The following ADAMTS19 variants were observed in gnomAD, a reference collection of about 807,000 sequenced individuals.
ADAMTS19 encodes the protein A disintegrin and metalloproteinase with thrombospondin motifs 19.
Under a neutral mutation model 153.3 loss-of-function variants are expected in ADAMTS19, and 93 were observed. That is an observed-to-expected ratio of 0.61 (90% confidence interval 0.51 to 0.72). The LOEUF is 0.72. Ranked by LOEUF, ADAMTS19 falls within the 30% of genes least tolerant of loss-of-function variation. The pLI is 0.00. For synonymous variants in ADAMTS19, 600 were observed against 556.6 expected (o/e 1.08, Z -1.10); for missense variants, 1,482 against 1,552.1 (o/e 0.95, Z 0.76).
intron 2 of ADAMTS19, among the ~76,000 whole-genome samples, chr5:129,491,774 T>G (rs1750778172): frequency 6.6e-6 from 1 of 152,132 alleles, no homozygotes; most frequent in Admixed American, 6.5e-5. Context: ...ACTCTACTAT[T>G]CTCTTTTAAT....
Position 129,460,346 on chromosome 5 carries a change from C to G in ADAMTS19, c.-46C>G, listed in dbSNP as rs1023934016. 6.4e-7 allele frequency: 1 copy of G among 1,562,384 alleles called. No homozygotes were observed. The highest frequency in any genetic ancestry group is 8.8e-7 in the Non-Finnish European group (1 of 1,141,030). ...CCGCTGCGCCCCGGAGTGGATCGCG[C>G]TGGAGGCGTGCGCCGGGCGAGAAGC... On this transcript the variant is annotated 5_prime_UTR_variant, in exon 1 of 23. Coordinates refer to ENST00000274487, the MANE Select transcript of ADAMTS19 (RefSeq NM_133638.6).
chr5:129,542,268 A>G (rs1265124491), intron 6 of ADAMTS19, among the ~76,000 whole-genome samples: 1 of 152,174 alleles, frequency 6.6e-6, no homozygotes, highest in African/African-American at 2.4e-5. Context: ...TCTCTTTTCC[A>G]TCCTCTGAAA....
At chr5:129,728,238 C>T (rs1034387124) in intron 21 of ADAMTS19, among the ~76,000 whole-genome samples, 12 of 152,068 alleles carry the variant, frequency 7.9e-5, no homozygotes, top group Admixed American at 4.6e-4. Context: ...ACCTCTGTCC[C>T]GGAAAATTCA....
At chr5:129,605,386 A>G (rs2126939028) in intron 8 of ADAMTS19, among the ~76,000 whole-genome samples, 1 of 152,220 alleles carries the variant, frequency 6.6e-6, no homozygotes, top group Non-Finnish European at 1.5e-5. Flanking sequence ...TCAAACATAA[A>G]AGACTAACAG....
intron 8 of ADAMTS19, among the ~76,000 whole-genome samples, chr5:129,600,434 A>AT (rs140038216): frequency 0.038 from 5,789 of 152,272 alleles, 345 homozygotes; most frequent in African/African-American, 0.13. Flanking sequence ...GAATGACAGA[A>AT]TGATTCCATG....
chr5:129,651,844 C>T (rs1753329829), intron 13 of ADAMTS19, among the ~76,000 whole-genome samples: 1 of 152,058 alleles, frequency 6.6e-6, no homozygotes, highest in Non-Finnish European at 1.5e-5. Context: ...GAATACATAG[C>T]CAGTAACTTT....
chr5:129,488,785 A>G (rs1249289292), intron 2 of ADAMTS19, among the ~76,000 whole-genome samples: 1 of 152,118 alleles, frequency 6.6e-6, no homozygotes, highest in African/African-American at 2.4e-5. Context: ...TGACTACTGA[A>G]GAAAAGGGTT....
chr5:129,561,422 G>C (rs892147630), intron 7 of ADAMTS19, among the ~76,000 whole-genome samples: 7 of 151,956 alleles, frequency 4.6e-5, no homozygotes, highest in African/African-American at 1.2e-4. Context: ...CCAGCTACTC[G>C]GGAGGCTGAG....
At chr5:129,491,408 G>C (rs889338261) in intron 2 of ADAMTS19, among the ~76,000 whole-genome samples, 2 of 152,060 alleles carry the variant, frequency 1.3e-5, no homozygotes, top group African/African-American at 4.8e-5. Flanking sequence ...TTTCCAAGTA[G>C]ATGACTGTGA....
intron 21 of ADAMTS19, among the ~76,000 whole-genome samples, chr5:129,715,004 GA>G (rs1290267485): frequency 6.6e-6 from 1 of 152,060 alleles, no homozygotes; most frequent in Non-Finnish European, 1.5e-5. Flanking sequence ...ATGCTGATAA[GA>G]AAATTTCTCC....
rs1489934289 is a variant in ADAMTS19, at chr5:129,701,496, C to A, written c.3063C>A (p.Ala1021=). The A allele has an allele frequency of 6.2e-7, 1 of 1,614,044 alleles. No homozygotes were observed. The highest frequency in any genetic ancestry group is 1.3e-5 in the African/African-American group (1 of 74,922). The part of the protein sequence containing the change: ...QQLSNGTLIR[A]RERDCIGPKP... ...TGAGCAATGGAACACTGATTAGAGC[C>A]CGAGAGAGGGACTGCATTGGGCCCA... The change falls in exon 20 of 23, where the codon GCC becomes GCA. Residue 1021 remains alanine, a synonymous_variant. Coordinates refer to ENST00000274487, the MANE Select transcript of ADAMTS19 (RefSeq NM_133638.6).
intron 8 of ADAMTS19, among the ~76,000 whole-genome samples, chr5:129,606,060 A>G (rs1250335182): frequency 1.3e-5 from 2 of 152,184 alleles, no homozygotes; most frequent in African/African-American, 2.4e-5. Context: ...CAAGTAGGCA[A>G]TTCAGGAGTT....
chr5:129,624,775 A>G (rs1751947282), intron 10 of ADAMTS19, among the ~76,000 whole-genome samples: 1 of 152,098 alleles, frequency 6.6e-6, no homozygotes, highest in African/African-American at 2.4e-5. Context: ...CAATGTTTTG[A>G]CCTCTGAATA....
At chr5:129,525,876 C>T (rs563376984) in intron 3 of ADAMTS19, among the ~76,000 whole-genome samples, 1 of 152,088 alleles carries the variant, frequency 6.6e-6, no homozygotes, top group African/African-American at 2.4e-5. Context: ...TCAGGCACTT[C>T]TTTCAACTAA....
intron 21 of ADAMTS19, among the ~76,000 whole-genome samples, chr5:129,723,254 T>C (rs941211353): frequency 9.8e-5 from 15 of 152,292 alleles, no homozygotes; most frequent in African/African-American, 3.1e-4. Flanking sequence ...TGCTTATACT[T>C]CCCCCAGGTA....
rs938996184 is a variant in ADAMTS19, at chr5:129,498,137, G to A, written c.748-10940G>A. Among the ~76,000 whole-genome samples, 4 of 152,002 alleles carry A rather than the reference G, an allele frequency of 2.6e-5. No homozygotes were observed. The South Asian group carries it at 8.3e-4, about 32-fold the overall frequency. On this transcript the variant is annotated intron_variant, in intron 2 of 22. Coordinates refer to ENST00000274487, the MANE Select transcript of ADAMTS19 (RefSeq NM_133638.6). ...ACACCACCTGTCAGTTTTTAACTGA[G>A]TTTGGCTTGTATGTAGGTTTTCCTA... is the stretch of plus-strand genomic sequence containing the variant.
intron 2 of ADAMTS19, among the ~76,000 whole-genome samples, chr5:129,463,723 A>G (rs959031952): frequency 6.6e-6 from 1 of 152,196 alleles, no homozygotes; most frequent in Non-Finnish European, 1.5e-5. Flanking sequence ...ATGATTGACA[A>G]GCTCCTTATC....
intron 2 of ADAMTS19, among the ~76,000 whole-genome samples, chr5:129,495,466 A>C (rs1750897714): frequency 6.6e-6 from 1 of 152,116 alleles, no homozygotes; most frequent in Non-Finnish European, 1.5e-5. Context: ...TTTGTCATAT[A>C]TTTGAAGCAG....
intron 8 of ADAMTS19, 121 bp from the exon 9 acceptor site, chr5:129,620,497 A>C (rs567478880): frequency 8.1e-5 from 54 of 663,368 alleles, no homozygotes; most frequent in Admixed American, 2.6e-4. Flanking sequence ...TAATTTCCTT[A>C]AAACAAATTT....
Sources: allele counts gnomAD v4.1 joint callset (sites outside exome capture counted in the v4.1 genomes callset), GRCh38; gene constraint gnomAD v4.1.1; transcripts MANE v1.5; gene names NCBI Gene and HGNC (gene_info 2026-07-23, HGNC 2026-07-21).